Variants in RTN1 observed in about 807,000 individuals in gnomAD.
The protein encoded by RTN1 is reticulon-1.
In RTN1, 25 loss-of-function variants were observed where a neutral mutation model predicts 65.5. The ratio of observed to expected loss-of-function variants is 0.38; its 90% confidence interval spans 0.28 to 0.53. The LOEUF is 0.53. RTN1 is among the 20% of genes least tolerant of loss of function. The pLI is 0.79. For missense variants in RTN1, 983 were observed against 1,025.4 expected (o/e 0.96, Z 0.57); for synonymous variants, 471 against 447.6 (o/e 1.05, Z -0.66).
intron 3 of RTN1, among the ~76,000 whole-genome samples, chr14:59,682,911 T>C (rs1259552842): frequency 6.6e-6 from 1 of 152,178 alleles, no homozygotes; most frequent in Non-Finnish European, 1.5e-5. Flanking sequence ...ATGAGGTTAT[T>C]CAGCATTTAA....
intron 3 of RTN1, among the ~76,000 whole-genome samples, chr14:59,678,097 T>G (rs920607426): frequency 6.6e-6 from 1 of 152,166 alleles, no homozygotes; most frequent in Non-Finnish European, 1.5e-5. Flanking sequence ...TCACTTGAAT[T>G]GCCAAGAAGG....
chr14:59,817,346 G>A (rs1210117055), intron 1 of RTN1, among the ~76,000 whole-genome samples: 1 of 152,152 alleles, frequency 6.6e-6, no homozygotes, highest in Non-Finnish European at 1.5e-5. Flanking sequence ...GGGGAAAACT[G>A]CATTTTTTAA....
At chr14:59,723,525 T>G (rs1020225092) in intron 3 of RTN1, among the ~76,000 whole-genome samples, 2 of 151,594 alleles carry the variant, frequency 1.3e-5, no homozygotes, top group African/African-American at 4.8e-5. Context: ...GCTGAGACAG[T>G]AGAATGGCGT....
chr14:59,770,378 CAAAAAAAAA>C (rs774086177), intron 1 of RTN1, among the ~76,000 whole-genome samples: 2 of 53,752 alleles, frequency 3.7e-5, no homozygotes, highest in Admixed American at 3.4e-4. Flanking sequence ...AACTCTGCCT[CAAAAAAAAA>C]AAAAAAAAAA....
intron 1 of RTN1, among the ~76,000 whole-genome samples, chr14:59,811,868 C>A (rs1418242203): frequency 6.6e-6 from 1 of 152,156 alleles, no homozygotes; most frequent in African/African-American, 2.4e-5. Context: ...TAAGCATTAA[C>A]TGGGTACGTT....
At chr14:59,792,209 T>C (rs1886361638) in intron 1 of RTN1, among the ~76,000 whole-genome samples, 2 of 152,058 alleles carry the variant, frequency 1.3e-5, no homozygotes, top group South Asian at 4.1e-4. Context: ...GAGAGGGAGA[T>C]TTTGTGATTT....
chr14:59,856,010 G>A (rs1024658143), intron 1 of RTN1, among the ~76,000 whole-genome samples: 1 of 152,088 alleles, frequency 6.6e-6, no homozygotes, highest in African/African-American at 2.4e-5. Context: ...CTTTTTTTGT[G>A]GGTGTTTTTT....
chr14:59,622,515 G>A (rs549690381), intron 3 of RTN1, among the ~76,000 whole-genome samples: 1 of 115,584 alleles, frequency 8.7e-6, no homozygotes, highest in Non-Finnish European at 2.1e-5. Context: ...TGTGGACAGA[G>A]TAAGAAGGCT....
At chr14:59,655,311 C>A (rs747164735) in intron 3 of RTN1, among the ~76,000 whole-genome samples, 1 of 152,104 alleles carries the variant, frequency 6.6e-6, no homozygotes, top group African/African-American at 2.4e-5. Context: ...TAGAGAATAC[C>A]TAATTAAATG....
At chr14:59,616,506 T>G (rs1168100572) in intron 3 of RTN1, among the ~76,000 whole-genome samples, 1 of 152,218 alleles carries the variant, frequency 6.6e-6, no homozygotes, top group Non-Finnish European at 1.5e-5. Context: ...CTAAGTGGCA[T>G]TTGGTTTACT....
At chr14:59,622,356 G>A (rs1882278307) in intron 3 of RTN1, among the ~76,000 whole-genome samples, 1 of 152,008 alleles carries the variant, frequency 6.6e-6, no homozygotes, top group South Asian at 2.1e-4. Context: ...AAATAAATAA[G>A]TAAATGCCAA....
intron 1 of RTN1, among the ~76,000 whole-genome samples, chr14:59,835,287 A>G (rs904654037): frequency 1.3e-5 from 2 of 152,188 alleles, no homozygotes; most frequent in African/African-American, 4.8e-5. Context: ...CCATTTCTAT[A>G]AAAATCAAGG....
At chr14:59,671,836 A>C (rs1417494457) in intron 3 of RTN1, among the ~76,000 whole-genome samples, 1 of 152,264 alleles carries the variant, frequency 6.6e-6, no homozygotes, top group African/African-American at 2.4e-5. Flanking sequence ...ACCTGGGCTC[A>C]GAAATCAATG....
At chr14:59,630,586 G>T in intron 3 of RTN1, 2 of 1,597,436 alleles carry the variant, frequency 1.3e-6, no homozygotes, top group East Asian at 2.2e-5. Flanking sequence ...CGGCTGCTGC[G>T]GCTGGGCTCG....
chr14:59,613,769 T>C (rs2140170363), intron 3 of RTN1, among the ~76,000 whole-genome samples: 1 of 151,684 alleles, frequency 6.6e-6, no homozygotes, highest in East Asian at 1.9e-4. Flanking sequence ...TGAGATTCAT[T>C]GGGAAAAACA....
chr14:59,837,173 C>A (rs1015156452), intron 1 of RTN1, among the ~76,000 whole-genome samples: 5 of 151,388 alleles, frequency 3.3e-5, no homozygotes, highest in Non-Finnish European at 4.4e-5. Context: ...CAGACTTAAA[C>A]GAAAGCAAAT....
intron 1 of RTN1, among the ~76,000 whole-genome samples, chr14:59,869,367 A>G (rs989658069): frequency 6.6e-6 from 1 of 151,242 alleles, no homozygotes; most frequent in Non-Finnish European, 1.5e-5. Flanking sequence ...CCACTCCACC[A>G]TAGCAAAGCT....
Position 59,766,941 on chromosome 14 carries a change from A to C in RTN1, c.242-20460T>G, listed in dbSNP as rs1885861013. On this transcript the variant is annotated intron_variant, in intron 1 of 8. Coordinates refer to ENST00000267484, the MANE Select transcript of RTN1 (RefSeq NM_021136.3). The surrounding 1 kb of genome is among the most constrained non-coding windows in gnomAD (Gnocchi z 4.4). ...GTATATCGGGCACTGAGCACCTACT[A>C]TGTGGTAGGTACTTATTCTAGTTTC... Among the ~76,000 whole-genome samples, 1 of 152,204 alleles carries C rather than the reference A, an allele frequency of 6.6e-6. No homozygotes were observed. The highest frequency in any genetic ancestry group is 6.5e-5 in the Admixed American group (1 of 15,280).
At chr14:59,627,062 C>G (rs1251308336) in intron 3 of RTN1, among the ~76,000 whole-genome samples, 1 of 152,166 alleles carries the variant, frequency 6.6e-6, no homozygotes, top group African/African-American at 2.4e-5. Flanking sequence ...CCAAGAGAAT[C>G]ACCTTTTACT....
Sources: allele counts gnomAD v4.1 joint callset (sites outside exome capture counted in the v4.1 genomes callset), GRCh38; gene constraint gnomAD v4.1.1; non-coding constraint Gnocchi (gnomAD v3.1); transcripts MANE v1.5; gene names NCBI Gene and HGNC (gene_info 2026-07-23, HGNC 2026-07-21).